The following TNRC6A variants were observed in gnomAD, a reference collection of about 807,000 sequenced individuals.
The protein encoded by TNRC6A is trinucleotide repeat containing adaptor 6A, also known as trinucleotide repeat-containing gene 6A protein.
A neutral mutation model predicts 221.2 loss-of-function variants in TNRC6A; 44 were observed. The observed-to-expected ratio is 0.20, with a 90% CI of 0.16 to 0.26. TNRC6A has a LOEUF of 0.26. Among genes scored for constraint, TNRC6A ranks in the 10% least tolerant of loss-of-function variants. The pLI, the probability that TNRC6A is intolerant of heterozygous loss-of-function variation, is 1.00. For missense variants in TNRC6A, 2,199 were observed against 2,404.4 expected (o/e 0.91, Z 1.79); for synonymous variants, 847 against 838.5 (o/e 1.01, Z -0.18).
chr16:24,682,891 G>A (rs1462449375), intron 2 of TNRC6A, among the ~76,000 whole-genome samples: 1 of 152,140 alleles, frequency 6.6e-6, no homozygotes, highest in African/African-American at 2.4e-5. Context: ...CAAGACACAA[G>A]GCGTACACCA....
At chr16:24,650,579 C>T (rs916598037) in intron 2 of TNRC6A, among the ~76,000 whole-genome samples, 3 of 151,732 alleles carry the variant, frequency 2.0e-5, no homozygotes, top group Admixed American at 6.6e-5. Flanking sequence ...GCAGGAGAAT[C>T]GCTTGAACCT....
chr16:24,731,523 CACTG>C (rs1034976973), intron 2 of TNRC6A, among the ~76,000 whole-genome samples: 8 of 152,156 alleles, frequency 5.3e-5, no homozygotes, highest in African/African-American at 1.9e-4. Context: ...AGTCTGACAT[CACTG>C]ACTATTTGTG....
intron 5 of TNRC6A, among the ~76,000 whole-genome samples, chr16:24,780,127 T>G (rs1458942571): frequency 2.0e-5 from 3 of 152,154 alleles, no homozygotes; most frequent in African/African-American, 7.2e-5. Context: ...TAGGCCAAAG[T>G]GTTCTATCCT....
chr16:24,613,956 C>G (rs1596534277), intron 1 of TNRC6A, among the ~76,000 whole-genome samples: 1 of 152,298 alleles, frequency 6.6e-6, no homozygotes, highest in East Asian at 1.9e-4. Flanking sequence ...TGGCTTCAAA[C>G]AACCATCACT....
chr16:24,685,456 C>G (rs1047383192), intron 2 of TNRC6A, among the ~76,000 whole-genome samples: 6 of 152,148 alleles, frequency 3.9e-5, no homozygotes, highest in Admixed American at 6.6e-5. Context: ...ACCACCTCAG[C>G]CTCCCAAGTA....
intron 3 of TNRC6A, among the ~76,000 whole-genome samples, chr16:24,755,960 AC>A (rs1338993923): frequency 6.6e-6 from 1 of 152,074 alleles, no homozygotes; most frequent in Non-Finnish European, 1.5e-5. Flanking sequence ...TTATTATTTG[AC>A]CCTCATAATA....
intron 2 of TNRC6A, among the ~76,000 whole-genome samples, chr16:24,680,027 G>T (rs919281125): frequency 6.6e-6 from 1 of 152,154 alleles, no homozygotes; most frequent in Non-Finnish European, 1.5e-5. Context: ...GTATATAAAT[G>T]CATTTAAATA....
At position 24,791,288 on chromosome 16, in the gene TNRC6A, G is replaced by A. The variant is rs763308409; in HGVS notation, c.2646G>A (p.Arg882=). The A allele has an allele frequency of 3.1e-6, 5 of 1,613,120 alleles. No homozygotes were observed. The Admixed American group carries it at 5.0e-5, about 16-fold the overall frequency. ...KSSSGGSDSD[R]SVSGWNELGK... is the part of the protein sequence containing the mutation. ...GCTCAGGAGGTAGTGACAGTGACAG[G>A]TCCGTTTCCGGTTGGAACGAACTTG... Residue 882 remains arginine, a synonymous_variant, in exon 6 of 25, where the codon AGG becomes AGA. Coordinates refer to ENST00000395799, the MANE Select transcript of TNRC6A (RefSeq NM_014494.4).
chr16:24,648,274 C>CTTTTTTTTTTTTTTTTTTTTTTTTTTT (rs71156430), intron 2 of TNRC6A, among the ~76,000 whole-genome samples: 1 of 97,890 alleles, frequency 1.0e-5, no homozygotes, highest in Admixed American at 1.3e-4. Flanking sequence ...TCCACAGCAA[C>CTTTTTTTTTTTTTTTTTTTTTTTTTTT]TTTTTTTTTT....
In TNRC6A at chr16:24,675,659, A is replaced by ACTCTCTCT. The variant is rs71381700; in HGVS notation, n.402+34687_402+34694dup. On this transcript the variant is annotated intron_variant and non_coding_transcript_variant, in intron 2 of 2. Transcript: ENST00000566108. ...TCACACCACTGCACTCCAGCCAGAG[A>ACTCTCTCT]CTCTCTCTCTCTCTCTCTCTCTCTC... 3.7e-3 allele frequency among the ~76,000 whole-genome samples: 137 copies of ACTCTCTCT among 37,526 alleles called. 5 individuals carry two copies. The highest frequency in any genetic ancestry group is 8.5e-3 in the East Asian group (6 of 704). 24.6% of individuals were successfully genotyped at this position (37,526 alleles called of 152,430 possible). A position where few individuals can be genotyped will look rare whatever the true frequency, so the allele number is the denominator to read the frequency against.
chr16:24,700,901 C>G (rs1181207012), intron 2 of TNRC6A, among the ~76,000 whole-genome samples: 1 of 152,220 alleles, frequency 6.6e-6, no homozygotes, highest in Non-Finnish European at 1.5e-5. Flanking sequence ...TGGGCTGACG[C>G]CTTCACAGAC....
At chr16:24,739,973 G>A (rs2056857928) in intron 2 of TNRC6A, among the ~76,000 whole-genome samples, 1 of 152,114 alleles carries the variant, frequency 6.6e-6, no homozygotes. Flanking sequence ...GTTAAGTTTT[G>A]CATATGGCAT....
At chr16:24,764,238 T>A (rs2057423777) in intron 4 of TNRC6A, among the ~76,000 whole-genome samples, 1 of 152,130 alleles carries the variant, frequency 6.6e-6, no homozygotes, top group Admixed American at 6.5e-5. Flanking sequence ...TCTTCCAGGT[T>A]CATCCATGTT....
At chr16:24,801,533 C>CTT (rs34391039) in intron 11 of TNRC6A, among the ~76,000 whole-genome samples, 3,538 of 121,542 alleles carry the variant, frequency 0.029, 179 homozygotes, top group African/African-American at 0.093. Context: ...ATGCTACTCT[C>CTT]TTTTTTTTTT....
intron 2 of TNRC6A, among the ~76,000 whole-genome samples, chr16:24,696,017 G>A (rs1266370322): frequency 6.6e-6 from 1 of 152,108 alleles, no homozygotes; most frequent in East Asian, 1.9e-4. Context: ...ACAGCTAATG[G>A]TGGAGAGGAA....
chr16:24,797,933 A>C lies in TNRC6A; in HGVS notation c.3661A>C (p.Asn1221His). 1.2e-6 allele frequency: 2 copies of C among 1,611,114 alleles called. No individual in the cohort carries two copies. Among genetic ancestry groups the C allele is most frequent in the Non-Finnish European group, 1.7e-6 (2 of 1,178,530 alleles). The change falls in exon 11 of 25, where the codon AAT becomes CAT. Residue 1221 changes from asparagine to histidine, a missense_variant. This residue lies in a region of TNRC6A where 158 missense variants were observed against 159.1 expected (regional missense o/e 0.99). Coordinates refer to ENST00000395799, the MANE Select transcript of TNRC6A (RefSeq NM_014494.4). ...ISFSRDSPEENVQSNKMDLSG... is the reference protein window; with the variant it reads ...ISFSRDSPEEHVQSNKMDLSG... ...TCTTCAGAGAGACTCACCAGAGGAA[A>C]ATGTACAAAGCAATAAGATGGACCT...
intron 4 of TNRC6A, among the ~76,000 whole-genome samples, chr16:24,760,133 T>C (rs185008932): frequency 5.3e-5 from 8 of 151,806 alleles, no homozygotes; most frequent in Non-Finnish European, 4.4e-5. Flanking sequence ...TTCATGTTCA[T>C]TCTTGTTTCT....
At chr16:24,619,670 G>A (rs1289237057) in intron 1 of TNRC6A, among the ~76,000 whole-genome samples, 1 of 152,124 alleles carries the variant, frequency 6.6e-6, no homozygotes, top group Non-Finnish European at 1.5e-5. Flanking sequence ...GAAGATGAAG[G>A]GTGAGTGAAA....
chr16:24,729,811 C>T lies in TNRC6A; in HGVS notation c.-31C>T, dbSNP rs757965876. The T allele has an allele frequency of 2.5e-4, 347 of 1,408,814 alleles. No homozygotes were observed. Among genetic ancestry groups the T allele is most frequent in the Non-Finnish European group, 3.0e-4 (319 of 1,073,902 alleles). 87.3% of individuals were successfully genotyped at this position (1,408,814 alleles called of 1,614,324 possible). On this transcript the variant is annotated 5_prime_UTR_variant, in exon 1 of 25. Coordinates refer to ENST00000395799, the MANE Select transcript of TNRC6A (RefSeq NM_014494.4). The stretch of plus-strand genomic sequence containing the variant: ...CTTGAGGCTCGCGAGCCTCCTTCGC[C>T]GCGCCCCACTTGCTCGTGCACTTTA...
Sources: allele counts gnomAD v4.1 joint callset (sites outside exome capture counted in the v4.1 genomes callset), GRCh38; gene constraint gnomAD v4.1.1; regional missense constraint gnomAD v4.1.1; transcripts MANE v1.5; gene names NCBI Gene and HGNC (gene_info 2026-07-23, HGNC 2026-07-21).